The following DYNC2LI1 variants were observed in gnomAD, a reference collection of about 807,000 sequenced individuals.
DYNC2LI1 encodes dynein cytoplasmic 2 light intermediate chain 1.
Under a neutral mutation model 51.9 loss-of-function variants are expected in DYNC2LI1, and 45 were observed. The observed-to-expected ratio is 0.87, with a 90% CI of 0.68 to 1.11. The LOEUF is 1.11. Ranked by LOEUF, DYNC2LI1 falls within the 50% of genes most tolerant of loss-of-function variation. The pLI is 0.00. For synonymous variants in DYNC2LI1, 130 were observed against 137.8 expected (o/e 0.94, Z 0.40); for missense variants, 490 against 417.4 (o/e 1.17, Z -1.51).
chr2:43,811,138 C>A (rs918623879), downstream of DYNC2LI1, among the ~76,000 whole-genome samples: 2 of 152,160 alleles, frequency 1.3e-5, no homozygotes, highest in Admixed American at 1.3e-4. Context: ...AAGTTGAAAT[C>A]AGTGATTTCA....
the DYNC2LI1 span, among the ~76,000 whole-genome samples, chr2:43,821,795 A>C: frequency 6.6e-6 from 1 of 151,888 alleles, no homozygotes; most frequent in Non-Finnish European, 1.5e-5. Context: ...CTCTCTCCCC[A>C]GTGCTCAGCA....
At chr2:43,815,203 T>C in the DYNC2LI1 span, among the ~76,000 whole-genome samples, 1 of 152,178 alleles carries the variant, frequency 6.6e-6, no homozygotes, top group Non-Finnish European at 1.5e-5. Flanking sequence ...GAAAATGAAA[T>C]ATGTCTCCTC....
chr2:43,819,850 C>A, the DYNC2LI1 span: 1 of 1,542,762 alleles, frequency 6.5e-7, no homozygotes, highest in South Asian at 1.1e-5. Flanking sequence ...TTACTTCAGT[C>A]ATTATTAGGT....
At chr2:43,787,943 G>A (rs911633128) in intron 4 of DYNC2LI1, among the ~76,000 whole-genome samples, 2 of 152,236 alleles carry the variant, frequency 1.3e-5, no homozygotes, top group African/African-American at 4.8e-5. Context: ...ATTAGACAGT[G>A]TATAAAGAGA....
At chr2:43,799,081 G>A (rs564665583) in intron 8 of DYNC2LI1, among the ~76,000 whole-genome samples, 1 of 152,220 alleles carries the variant, frequency 6.6e-6, no homozygotes, top group South Asian at 2.1e-4. Context: ...GGGAAGATCA[G>A]TTGAGGCCAG....
chr2:43,809,692 A>T lies in DYNC2LI1; in HGVS notation c.994-13A>T, dbSNP rs767296669. 5.0e-6 allele frequency: 8 copies of T among 1,594,878 alleles called. No homozygotes were observed. Among genetic ancestry groups the T allele is most frequent in the Middle Eastern group, 1.7e-4 (1 of 5,938 alleles). ...GTTGATTTTTCTTAAAGTGATACAT[A>T]TTTTTGTTTTAGGAACTGGAACAGT... On this transcript the variant is annotated splice_polypyrimidine_tract_variant and intron_variant, in intron 12 of 12. Transcript: ENST00000260605.
intron 7 of DYNC2LI1, among the ~76,000 whole-genome samples, chr2:43,796,333 C>CA (rs367924644): frequency 0.16 from 16,781 of 106,290 alleles, 1,188 homozygotes; most frequent in Admixed American, 0.27. Flanking sequence ...ACACTTGTCT[C>CA]AAAAAAAAAA....
At chr2:43,801,753 T>C in intron 10 of DYNC2LI1, 44 bp downstream of exon 10, 1 of 1,466,072 alleles carries the variant, frequency 6.8e-7, no homozygotes, top group Middle Eastern at 2.1e-4. Flanking sequence ...TTTAATTGCT[T>C]ATTGATTTTG....
At position 43,795,969 on chromosome 2, in the gene DYNC2LI1, C is replaced by G. The variant is rs763883593; in HGVS notation, c.576+11C>G. 1.9e-6 allele frequency: 3 copies of G among 1,606,038 alleles called. No individual in the cohort carries two copies. The highest frequency in any genetic ancestry group is 2.6e-6 in the Non-Finnish European group (3 of 1,172,976). ...TATGATGTTTTTCAGGTAAGCTCTT[C>G]CGCTTCTAGCTGAGTTTGTTGTACA... On this transcript the variant is annotated intron_variant, in intron 7 of 12. Transcript: ENST00000260605.
chr2:43,792,880 C>G (rs1345727923), intron 5 of DYNC2LI1: 2 of 1,364,988 alleles, frequency 1.5e-6, no homozygotes, highest in African/African-American at 3.0e-5. Context: ...ACAAATACCA[C>G]AGTTCAGTTA....
chr2:43,800,855 A>G lies in DYNC2LI1; in HGVS notation c.669A>G (p.Ser223=), dbSNP rs751042296. The part of the protein sequence containing the change: ...YGASLMFTSK[S]EALLLKIRGV... The stretch of plus-strand genomic sequence containing the variant: ...TTTGTTTAAAGTTTACCAGTAAATC[A>G]GAAGCTCTATTACTAAAAATACGTG... Residue 223 remains serine, a synonymous_variant, in exon 9 of 13, where the codon TCA becomes TCG. Coordinates refer to ENST00000260605, the MANE Select transcript of DYNC2LI1 (RefSeq NM_016008.4). The G allele has an allele frequency of 1.0e-5, 16 of 1,596,260 alleles. No homozygotes were observed. In the Admixed American group the frequency reaches 2.8e-4, roughly 28 times the overall value.
chr2:43,776,592 T>A (rs1012943418), intron 1 of DYNC2LI1, among the ~76,000 whole-genome samples, 190 bp from the exon 2 acceptor site: 1 of 152,156 alleles, frequency 6.6e-6, no homozygotes, highest in African/African-American at 2.4e-5. Flanking sequence ...GAGAACTAGT[T>A]CAAAGCAACA....
chr2:43,816,669 G>C, the DYNC2LI1 span, among the ~76,000 whole-genome samples: 2 of 152,136 alleles, frequency 1.3e-5, no homozygotes, highest in African/African-American at 4.8e-5. Context: ...TCAGCCTCCT[G>C]AGTAGCTGAA....
intron 1 of DYNC2LI1, among the ~76,000 whole-genome samples, chr2:43,775,436 A>G (rs1672965409): frequency 6.6e-6 from 1 of 152,148 alleles, no homozygotes; most frequent in Non-Finnish European, 1.5e-5. Context: ...TAAAGAAATC[A>G]ATGAAAGGAT....
At chr2:43,824,435 A>G in the DYNC2LI1 span, 25 of 1,613,384 alleles carry the variant, frequency 1.5e-5, no homozygotes, top group African/African-American at 3.1e-4. Context: ...CAGGTCCACT[A>G]AAAGTTTTTC....
At chr2:43,820,131 T>A in the DYNC2LI1 span, 1 of 1,603,328 alleles carries the variant, frequency 6.2e-7, no homozygotes, top group South Asian at 1.1e-5. Context: ...TAGTTTCCTC[T>A]CCAAGGGCTA....
At chr2:43,807,313 C>T (rs924531645) in intron 12 of DYNC2LI1, among the ~76,000 whole-genome samples, 9 of 152,104 alleles carry the variant, frequency 5.9e-5, no homozygotes, top group Non-Finnish European at 1.2e-4. Context: ...CCAGACTTCA[C>T]ATGGGCACCA....
intron 12 of DYNC2LI1, among the ~76,000 whole-genome samples, chr2:43,809,133 G>A (rs575062709): frequency 3.3e-5 from 5 of 151,950 alleles, no homozygotes; most frequent in South Asian, 2.1e-4. Context: ...GGACCACAGC[G>A]CACACCACCA....
At chr2:43,784,608 A>G (rs957677198) in intron 3 of DYNC2LI1, among the ~76,000 whole-genome samples, 2 of 151,894 alleles carry the variant, frequency 1.3e-5, no homozygotes, top group African/African-American at 2.4e-5. Context: ...CTAATTTTGT[A>G]TTTTTAGTAG....
Sources: allele counts gnomAD v4.1 joint callset (sites outside exome capture counted in the v4.1 genomes callset), GRCh38; gene constraint gnomAD v4.1.1; transcripts MANE v1.5; gene names NCBI Gene and HGNC (gene_info 2026-07-23, HGNC 2026-07-21).